KCMF1: variants seen among roughly 807,000 people sequenced by gnomAD.
The protein encoded by KCMF1 is E3 ubiquitin-protein ligase KCMF1.
In KCMF1, 3 loss-of-function variants were observed where a neutral mutation model predicts 41.1. The ratio of observed to expected loss-of-function variants is 0.07; its 90% CI spans 0.03 to 0.19. The LOEUF is 0.19. Among genes scored for constraint, KCMF1 ranks in the 10% least tolerant of loss-of-function variants. KCMF1 has a pLI of 1.00. For synonymous variants in KCMF1, 142 were observed against 164.5 expected, an observed-to-expected ratio of 0.86 and a Z score of 1.04; for missense variants, 286 against 488.9, an observed-to-expected ratio of 0.58 and a Z score of 3.91.
At chr2:85,014,446 T>C (rs1674717352) in intron 1 of KCMF1, among the ~76,000 whole-genome samples, 1 of 152,172 alleles carries the variant, frequency 6.6e-6, no homozygotes, top group East Asian at 1.9e-4. Flanking sequence ...AGCAAATTAC[T>C]TAGTGCCTGT....
At chr2:85,025,639 C>T (rs546782527) in intron 1 of KCMF1, among the ~76,000 whole-genome samples, 6 of 152,168 alleles carry the variant, frequency 3.9e-5, no homozygotes, top group East Asian at 1.9e-4. Context: ...ATAGGAGTCC[C>T]GCTCTGTCAC....
At chr2:85,022,118 G>T (rs1156603639) in intron 1 of KCMF1, among the ~76,000 whole-genome samples, 1 of 151,580 alleles carries the variant, frequency 6.6e-6, no homozygotes, top group Non-Finnish European at 1.5e-5. Flanking sequence ...CGCCCGGCCT[G>T]TTTTTTTTGT....
intron 2 of KCMF1, among the ~76,000 whole-genome samples, chr2:85,034,591 G>T (rs1291150168): frequency 6.6e-6 from 1 of 152,136 alleles, no homozygotes; most frequent in Non-Finnish European, 1.5e-5. Context: ...TGGGAATAAG[G>T]ATATTACAAA....
intron 1 of KCMF1, among the ~76,000 whole-genome samples, chr2:84,994,319 G>A (rs536411349): frequency 6.6e-6 from 1 of 152,250 alleles, no homozygotes; most frequent in South Asian, 2.1e-4. Context: ...GTATTTATCT[G>A]TAACTACTGG....
chr2:84,999,017 C>CCCAT (rs1392445952), intron 1 of KCMF1, among the ~76,000 whole-genome samples: 10 of 120,572 alleles, frequency 8.3e-5, no homozygotes, highest in East Asian at 6.1e-4. Flanking sequence ...CACCCACCCA[C>CCCAT]CCATCCATCC....
At chr2:85,045,672 A>C (rs1324504559) in intron 4 of KCMF1, among the ~76,000 whole-genome samples, 1 of 152,212 alleles carries the variant, frequency 6.6e-6, no homozygotes, top group African/African-American at 2.4e-5. Flanking sequence ...GATAAATGTC[A>C]TGTTAATCTA....
At chr2:85,041,544 G>C (rs568318585) in intron 3 of KCMF1, among the ~76,000 whole-genome samples, 27 of 152,176 alleles carry the variant, frequency 1.8e-4, no homozygotes, top group African/African-American at 6.5e-4. Context: ...GATTTTACCC[G>C]AAGGCCAATC....
rs1358487556 is a variant in KCMF1, at chr2:85,054,499, C to G, written c.*1090C>G. Reference sequence around the variant, plus strand: ...GTTTTTTCTGGCATAAAAAGTAAAGCCTTTTAATTGAATCATGCCACCTAT... The same window carrying G: ...GTTTTTTCTGGCATAAAAAGTAAAGGCTTTTAATTGAATCATGCCACCTAT... On this transcript the variant is annotated 3_prime_UTR_variant, in exon 7 of 7. Coordinates refer to ENST00000409785, the MANE Select transcript of KCMF1 (RefSeq NM_020122.5). 1.3e-5 allele frequency: 2 copies of G among 152,016 alleles called. No homozygotes were observed. The highest frequency in any genetic ancestry group is 2.1e-4 in the South Asian group (1 of 4,816). 9.4% of individuals were successfully genotyped at this position (152,016 alleles called of 1,614,324 possible).
chr2:84,993,599 C>T (rs559562858), intron 1 of KCMF1, among the ~76,000 whole-genome samples: 47 of 141,566 alleles, frequency 3.3e-4, no homozygotes, highest in African/African-American at 5.3e-4. Context: ...TTTTGAGATG[C>T]AATTTTACTC....
chr2:84,991,634 A>G (rs1354239305), intron 1 of KCMF1, among the ~76,000 whole-genome samples: 9 of 152,174 alleles, frequency 5.9e-5, no homozygotes, highest in Admixed American at 5.9e-4. Flanking sequence ...ACACTGTGGG[A>G]AATAGGCCAG....
At chr2:84,973,560 G>C (rs138370421) in intron 1 of KCMF1, among the ~76,000 whole-genome samples, 1 of 152,092 alleles carries the variant, frequency 6.6e-6, no homozygotes, top group Non-Finnish European at 1.5e-5. Flanking sequence ...TACAATATTC[G>C]ACAAGTGATT....
At chr2:85,020,309 ATAT>A (rs1674898765) in intron 1 of KCMF1, among the ~76,000 whole-genome samples, 1 of 152,190 alleles carries the variant, frequency 6.6e-6, no homozygotes, top group South Asian at 2.1e-4. Context: ...TTTTTTGTCA[ATAT>A]TATTATACTA....
intron 2 of KCMF1, among the ~76,000 whole-genome samples, chr2:85,031,659 T>C (rs1675271223): frequency 6.6e-6 from 1 of 152,240 alleles, no homozygotes; most frequent in South Asian, 2.1e-4. Context: ...AAAATAGGTT[T>C]ATCAAGTTTA....
chr2:85,010,058 C>T (rs563628311), intron 1 of KCMF1, among the ~76,000 whole-genome samples: 139 of 152,318 alleles, frequency 9.1e-4, no homozygotes, highest in Non-Finnish European at 1.6e-3. Context: ...CTTTTCACAT[C>T]CAGAATTGTA....
intron 1 of KCMF1, among the ~76,000 whole-genome samples, chr2:85,024,649 T>G (rs1230648307): frequency 1.3e-5 from 2 of 151,964 alleles, no homozygotes; most frequent in African/African-American, 2.4e-5. Flanking sequence ...GAAATTGTTT[T>G]CTACTTTAGA....
intron 1 of KCMF1, among the ~76,000 whole-genome samples, chr2:85,008,242 T>TA (rs1674520926): frequency 1.9e-5 from 2 of 103,268 alleles, no homozygotes; most frequent in African/African-American, 3.7e-5. Context: ...TATTATATTA[T>TA]ATATGATATA....
chr2:84,987,938 C>T (rs1014783885), intron 1 of KCMF1, among the ~76,000 whole-genome samples: 2 of 152,052 alleles, frequency 1.3e-5, no homozygotes, highest in Non-Finnish European at 2.9e-5. Flanking sequence ...ATGTAGGCTT[C>T]TGCCGGGCAC....
At chr2:85,002,569 C>T (rs115364465) in intron 1 of KCMF1, among the ~76,000 whole-genome samples, 2,321 of 151,528 alleles carry the variant, frequency 0.015, 30 homozygotes, top group South Asian at 0.062. Flanking sequence ...AACACTAGTA[C>T]ATTATTACTA....
intron 1 of KCMF1, among the ~76,000 whole-genome samples, chr2:85,009,027 G>A (rs1287352962): frequency 2.6e-5 from 4 of 152,052 alleles, no homozygotes; most frequent in Non-Finnish European, 5.9e-5. Flanking sequence ...ACCATGCCCA[G>A]CCTTGATGCG....
Sources: gnomAD v4.1 joint callset for allele counts (sites outside exome capture counted in the v4.1 genomes callset) on GRCh38, gnomAD v4.1.1 for gene constraint, MANE v1.5 for transcripts, NCBI Gene and HGNC (gene_info 2026-07-23, HGNC 2026-07-21) for gene names.